The following TMEM178B variants were observed in gnomAD, a reference collection of about 807,000 sequenced individuals.
TMEM178B encodes transmembrane protein 178B.
Under a neutral mutation model 31.0 loss-of-function variants are expected in TMEM178B, and 5 were observed. The observed-to-expected ratio is 0.16, with a 90% CI of 0.08 to 0.34. TMEM178B has a LOEUF of 0.34. Among genes scored for constraint, TMEM178B ranks in the 10% least tolerant of loss-of-function variants. TMEM178B has a pLI of 1.00. For missense variants in TMEM178B, 275 were observed against 400.3 expected, an observed-to-expected ratio of 0.69 and a Z score of 2.67; for synonymous variants, 164 against 164.0, an observed-to-expected ratio of 1.00 and a Z score of 0.00.
chr7:141,304,943 G>A lies in TMEM178B; in HGVS notation c.496+92239G>A, dbSNP rs568984365. On this transcript the variant is annotated intron_variant, in intron 2 of 3. Coordinates refer to ENST00000565468, the MANE Select transcript of TMEM178B (RefSeq NM_001195278.2). Reference sequence around the variant, plus strand: ...CTATGGGGCAAATGCTTTTCACACCGCTTGCATCTCCCAGTCCTGATTCTC... The same window carrying A: ...CTATGGGGCAAATGCTTTTCACACCACTTGCATCTCCCAGTCCTGATTCTC... Among the ~76,000 whole-genome samples, 78 of 152,090 alleles carry A rather than the reference G, an allele frequency of 5.1e-4. 1 individual carries two copies. The highest frequency in any genetic ancestry group is 1.8e-3 in the African/African-American group (73 of 41,492).
intron 2 of TMEM178B, among the ~76,000 whole-genome samples, chr7:141,358,413 T>C (rs1294971376): frequency 2.0e-5 from 3 of 152,124 alleles, no homozygotes; most frequent in Non-Finnish European, 4.4e-5. Context: ...CTATGTCTTT[T>C]CCCCTCAACA....
intron 2 of TMEM178B, among the ~76,000 whole-genome samples, chr7:141,236,835 A>G (rs1191474590): frequency 6.6e-6 from 1 of 152,230 alleles, no homozygotes; most frequent in Non-Finnish European, 1.5e-5. Flanking sequence ...CAAATTAAAA[A>G]CTGTGCAGGC....
chr7:141,373,661 C>A (rs1196141876), intron 2 of TMEM178B, among the ~76,000 whole-genome samples: 1 of 152,110 alleles, frequency 6.6e-6, no homozygotes, highest in Non-Finnish European at 1.5e-5. Flanking sequence ...CCCCCCAACA[C>A]ACATTGGGCA....
chr7:141,169,510 G>A (rs573335663), intron 1 of TMEM178B, among the ~76,000 whole-genome samples: 61 of 152,212 alleles, frequency 4.0e-4, no homozygotes, highest in Non-Finnish European at 4.0e-4. Context: ...ATGAATGTAC[G>A]TGTGCATGTA....
intron 2 of TMEM178B, among the ~76,000 whole-genome samples, chr7:141,402,920 G>A (rs796725065): frequency 1.4e-4 from 21 of 152,336 alleles, no homozygotes; most frequent in African/African-American, 4.8e-4. Flanking sequence ...GCTATAAAGA[G>A]GAACCTACTG....
intron 2 of TMEM178B, among the ~76,000 whole-genome samples, chr7:141,291,042 G>GT (rs773570635): frequency 7.2e-5 from 11 of 152,220 alleles, no homozygotes; most frequent in Non-Finnish European, 1.3e-4. Flanking sequence ...CATTTGGGAG[G>GT]TAAAATTGTC....
At chr7:141,307,772 G>T (rs1345986980) in intron 2 of TMEM178B, among the ~76,000 whole-genome samples, 2 of 152,178 alleles carry the variant, frequency 1.3e-5, no homozygotes, top group Non-Finnish European at 2.9e-5. Context: ...CATGTTGATG[G>T]TAGGGGAAGC....
chr7:141,340,828 C>T (rs1001619397), intron 2 of TMEM178B, among the ~76,000 whole-genome samples: 2 of 152,144 alleles, frequency 1.3e-5, no homozygotes, highest in East Asian at 3.8e-4. Flanking sequence ...GCTTCTCTCC[C>T]TCTCGGGTGT....
intron 1 of TMEM178B, among the ~76,000 whole-genome samples, chr7:141,143,693 A>G (rs531959002): frequency 6.6e-6 from 1 of 152,262 alleles, no homozygotes; most frequent in East Asian, 1.9e-4. Context: ...TGCTTTGGCT[A>G]TTCATACTTT....
intron 2 of TMEM178B, among the ~76,000 whole-genome samples, chr7:141,295,860 A>T (rs1798623218): frequency 6.6e-6 from 1 of 152,092 alleles, no homozygotes; most frequent in African/African-American, 2.4e-5. Flanking sequence ...CATTTCCAGA[A>T]ATCTGAAGAC....
chr7:141,100,114 C>T (rs1188544877), intron 1 of TMEM178B, among the ~76,000 whole-genome samples: 10 of 152,246 alleles, frequency 6.6e-5, no homozygotes, highest in African/African-American at 2.2e-4. Flanking sequence ...CCACTGCGCC[C>T]GACCAAAATG....
intron 1 of TMEM178B, among the ~76,000 whole-genome samples, chr7:141,153,365 C>A (rs193225041): frequency 1.6e-4 from 25 of 152,270 alleles, no homozygotes; most frequent in Non-Finnish European, 1.3e-4. Flanking sequence ...TTTTAAAAAT[C>A]TCTCCCTTTT....
intron 2 of TMEM178B, among the ~76,000 whole-genome samples, chr7:141,328,543 G>A (rs925099500): frequency 2.0e-5 from 3 of 152,206 alleles, no homozygotes; most frequent in Non-Finnish European, 4.4e-5. Context: ...GTCTAACCCA[G>A]GAACAGAAGG....
chr7:141,226,508 C>G (rs538397475), intron 2 of TMEM178B, among the ~76,000 whole-genome samples: 4 of 152,198 alleles, frequency 2.6e-5, no homozygotes, highest in African/African-American at 9.6e-5. Flanking sequence ...TAGGTGAGGT[C>G]TCAAATACAG....
chr7:141,354,663 G>A (rs1187243911), intron 2 of TMEM178B, among the ~76,000 whole-genome samples: 1 of 152,124 alleles, frequency 6.6e-6, no homozygotes, highest in African/African-American at 2.4e-5. Flanking sequence ...ATCCTTTTAA[G>A]CCTTAGAAAC....
intron 1 of TMEM178B, among the ~76,000 whole-genome samples, chr7:141,141,316 T>C (rs916088039): frequency 2.0e-5 from 3 of 152,130 alleles, no homozygotes; most frequent in Non-Finnish European, 2.9e-5. Flanking sequence ...TTTCTGGCAG[T>C]ACAAGATACT....
chr7:141,261,445 G>A (rs1041737273), intron 2 of TMEM178B, among the ~76,000 whole-genome samples: 1 of 152,122 alleles, frequency 6.6e-6, no homozygotes, highest in African/African-American at 2.4e-5. Flanking sequence ...TACCATTGGG[G>A]TATAGGTGGA....
At chr7:141,179,798 TG>T (rs1341173953) in intron 1 of TMEM178B, among the ~76,000 whole-genome samples, 1 of 152,158 alleles carries the variant, frequency 6.6e-6, no homozygotes, top group Non-Finnish European at 1.5e-5. Flanking sequence ...GGCTGACCCT[TG>T]GCCACACTGC....
intron 2 of TMEM178B, among the ~76,000 whole-genome samples, chr7:141,437,235 C>T (rs548248505): frequency 9.9e-5 from 15 of 152,270 alleles, no homozygotes; most frequent in African/African-American, 3.1e-4. Flanking sequence ...TCTGTTCTAC[C>T]GCTTACTAGC....
Sources: allele counts gnomAD v4.1 joint callset (sites outside exome capture counted in the v4.1 genomes callset), GRCh38; gene constraint gnomAD v4.1.1; transcripts MANE v1.5; gene names NCBI Gene and HGNC (gene_info 2026-07-23, HGNC 2026-07-21).